CALML4: variants seen among roughly 807,000 people sequenced by gnomAD.
CALML4 encodes the protein calmodulin-like protein 4.
A neutral mutation model predicts 17.9 loss-of-function variants in CALML4; 16 were observed. That is an observed-to-expected ratio of 0.89 (90% CI 0.61 to 1.36). The LOEUF is 1.36. CALML4 is among the 40% of genes most tolerant of loss of function. CALML4 has a pLI of 0.00. For missense variants in CALML4, 203 were observed against 194.8 expected, an observed-to-expected ratio of 1.04 and a Z score of -0.25; for synonymous variants, 86 against 71.5, an observed-to-expected ratio of 1.20 and a Z score of -1.02.
chr15:68,194,131 A>G lies in CALML4; in HGVS notation c.365-19T>C, dbSNP rs747619421. On this transcript the variant is annotated intron_variant, in intron 4 of 4. Coordinates refer to ENST00000467889, the MANE Select transcript of CALML4 (RefSeq NM_033429.3). The stretch of plus-strand genomic sequence containing the variant: ...TCATCCACTGCAATAAATCACATTT[A>G]ATTTTTCAGTTTGGCTTTAGTGTTC... The G allele has an allele frequency of 6.3e-7, 1 of 1,597,842 alleles. No homozygotes were observed. The highest frequency in any genetic ancestry group is 8.6e-7 in the Non-Finnish European group (1 of 1,165,500).
At chr15:68,199,881 A>G in intron 2 of CALML4, 200 bp from the exon 3 acceptor site, 1 of 476,306 alleles carries the variant, frequency 2.1e-6, no homozygotes. Flanking sequence ...ATAAACACTG[A>G]ATATACTTTT....
rs767683298 is a variant in CALML4, at chr15:68,205,261, C to T, written c.-14G>A. 1.2e-6 allele frequency: 2 copies of T among 1,614,142 alleles called. No individual in the cohort carries two copies. Among genetic ancestry groups the T allele is most frequent in the African/African-American group, 1.3e-5 (1 of 75,034 alleles). On this transcript the variant is annotated 5_prime_UTR_variant, in exon 1 of 5. Coordinates refer to ENST00000467889, the MANE Select transcript of CALML4 (RefSeq NM_033429.3). This position sits in a 1 kb window ranked among gnomAD's most constrained non-coding sequence, Gnocchi z 4.8. Reference sequence around the variant, plus strand: ...CACACTCACCATTCTGGGGCCTCGGCTGCTACCCGTGGGCTTGCTGCTCCC... The same window carrying T: ...CACACTCACCATTCTGGGGCCTCGGTTGCTACCCGTGGGCTTGCTGCTCCC...
Position 68,197,465 on chromosome 15 carries a change from C to G in CALML4, c.339G>C (p.Leu113=), listed in dbSNP as rs781329754. The part of the protein sequence containing the change: ...ASDLRSKLTS[L]GEKLTHKEVD... ...CTTCCTTGTGGGTGAGCTTCTCCCC[C>G]AGACTCGTGAGTTTTGACCGCAGGT... The change falls in exon 4 of 5, where the codon CTG becomes CTC. Residue 113 remains leucine (L), a synonymous_variant. Transcript: ENST00000467889. This position sits in a 1 kb window ranked among gnomAD's most constrained non-coding sequence, Gnocchi z 4.1. The G allele has an allele frequency of 1.9e-6, 3 of 1,613,990 alleles. No homozygotes were observed. The highest frequency in any genetic ancestry group is 2.5e-6 in the Non-Finnish European group (3 of 1,180,010).
At chr15:68,199,733 T>TGCC in intron 2 of CALML4, 52 bp from the exon 3 acceptor site, 1 of 1,568,122 alleles carries the variant, frequency 6.4e-7, no homozygotes, top group Non-Finnish European at 8.7e-7. Context: ...TCTCCGCCCA[T>TGCC]GCCGCCCTCC....
intron 2 of CALML4, among the ~76,000 whole-genome samples, chr15:68,201,299 A>G (rs1162210083): frequency 6.6e-6 from 1 of 152,140 alleles, no homozygotes; most frequent in Non-Finnish European, 1.5e-5. Flanking sequence ...GCAGGGCCAG[A>G]GCCTGGCCTA....
chr15:68,195,185 C>T (rs1005660257), intron 4 of CALML4, among the ~76,000 whole-genome samples: 5 of 152,138 alleles, frequency 3.3e-5, no homozygotes, highest in African/African-American at 9.7e-5. Context: ...GGTCAACCTA[C>T]CATGGCTCTT....
rs2093140707 is a variant in CALML4, at chr15:68,195,566, A to G, written c.365-1454T>C. ...GGACACCTGAGTAGAACAGCCTTTC[A>G]CTCCATCTCACTTCAAAGACCCATA... is the stretch of plus-strand genomic sequence containing the variant. On this transcript the variant is annotated intron_variant, in intron 4 of 4. Transcript: ENST00000467889. Among the ~76,000 whole-genome samples the G allele has an allele frequency of 2.0e-5, 3 of 151,914 alleles. 1 individual carries two copies. In the South Asian group the frequency reaches 6.2e-4, roughly 32 times the overall value.
chr15:68,199,391 C>T (rs576177823), intron 3 of CALML4, 150 bp downstream of exon 3: 90 of 797,350 alleles, frequency 1.1e-4, no homozygotes, highest in African/African-American at 7.1e-4. Flanking sequence ...AAGTGAGGTA[C>T]GGCACTCCTG....
chr15:68,200,380 C>T lies in CALML4; in HGVS notation c.35-699G>A, dbSNP rs990420733. Among the ~76,000 whole-genome samples the T allele has an allele frequency of 5.3e-5, 8 of 152,324 alleles. No homozygotes were observed. Among genetic ancestry groups the T allele is most frequent in the African/African-American group, 1.9e-4 (8 of 41,578 alleles). ...CTGTTCTTAGAGACTTCAAAGGGTC[C>T]TGCTGGGAAATTCTCCCAGGGTCTG... On this transcript the variant is annotated intron_variant, in intron 2 of 4. Transcript: ENST00000467889. The surrounding 1 kb of genome is among the most constrained non-coding windows in gnomAD (Gnocchi z 4.3).
rs2093150167 is a variant in CALML4, at chr15:68,197,591, G to A, written c.213C>T (p.Thr71=). Residue 71 remains threonine (T), a synonymous_variant, in exon 4 of 5, where the codon ACC becomes ACT. Coordinates refer to ENST00000467889, the MANE Select transcript of CALML4 (RefSeq NM_033429.3). This position sits in a 1 kb window ranked among gnomAD's most constrained non-coding sequence, Gnocchi z 4.1. ...NGELDFSTFL[T]IMHMQIKQED... Reference sequence around the variant, plus strand: ...CTTGTTTTATTTGCATGTGCATAATGGTCAGAAAAGTGGAGAAATCCAGCT... The same window carrying A: ...CTTGTTTTATTTGCATGTGCATAATAGTCAGAAAAGTGGAGAAATCCAGCT... The A allele has an allele frequency of 6.2e-7, 1 of 1,613,936 alleles. No individual in the cohort carries two copies. Among genetic ancestry groups the A allele is most frequent in the African/African-American group, 1.3e-5 (1 of 74,874 alleles).
chr15:68,194,248 A>C (rs2093133084), intron 4 of CALML4, 136 bp from the exon 5 acceptor site: 6 of 634,590 alleles, frequency 9.5e-6, no homozygotes, highest in Non-Finnish European at 1.7e-5. Context: ...CAGGAAGTAA[A>C]CCAGTGAACA....
At chr15:68,202,806 G>GTTTTT (rs2093169500) in intron 2 of CALML4, among the ~76,000 whole-genome samples, 1 of 126,232 alleles carries the variant, frequency 7.9e-6, no homozygotes, top group African/African-American at 3.7e-5. Context: ...ACCATGACCG[G>GTTTTT]CTTTTTTTTT....
In CALML4 at chr15:68,190,960, C is replaced by T. The variant is rs2093116843; in HGVS notation, c.*3055G>A. 2 of 152,196 alleles carry T rather than the reference C, an allele frequency of 1.3e-5. No homozygotes were observed. The highest frequency in any genetic ancestry group is 2.1e-4 in the South Asian group (1 of 4,834). The allele number at this position is 152,196 out of a possible 1,614,324, so 9.4% of individuals were successfully genotyped here. On this transcript the variant is annotated 3_prime_UTR_variant, in exon 5 of 5. Coordinates refer to ENST00000467889, the MANE Select transcript of CALML4 (RefSeq NM_033429.3). The surrounding 1 kb of genome is among the most constrained non-coding windows in gnomAD (Gnocchi z 4.7). ...GAAATGGAGTGAAAATATATCCTAA[C>T]TAAATTAATGTGGAAAGAGCATTTT...
At chr15:68,199,067 C>G (rs1052978526) in intron 3 of CALML4, among the ~76,000 whole-genome samples, 17 of 151,578 alleles carry the variant, frequency 1.1e-4, no homozygotes, top group Non-Finnish European at 5.9e-5. Flanking sequence ...GAGGCTGAGG[C>G]AGGAGAATCA....
chr15:68,194,219 G>C lies in CALML4; in HGVS notation c.365-107C>G, dbSNP rs1000964826. ...CCCTAAGGTCTTCCCTGAGCGTGCA[G>C]TTGACTATTCCTGTAGACCAGGAAG... On this transcript the variant is annotated intron_variant, in intron 4 of 4. Coordinates refer to ENST00000467889, the MANE Select transcript of CALML4 (RefSeq NM_033429.3). 3 of 756,178 alleles carry C rather than the reference G, an allele frequency of 4.0e-6. No homozygotes were observed. In the African/African-American group the frequency reaches 5.2e-5, roughly 13 times the overall value. The allele number at this position is 756,178 out of a possible 1,614,324, so 46.8% of individuals were successfully genotyped here.
At chr15:68,196,502 C>T (rs1012590512) in intron 4 of CALML4, among the ~76,000 whole-genome samples, 5 of 152,230 alleles carry the variant, frequency 3.3e-5, no homozygotes, top group African/African-American at 9.6e-5. Flanking sequence ...CTTTCCAGCA[C>T]CCACTTGTGG....
At position 68,193,308 on chromosome 15, in the gene CALML4, C is replaced by T. The variant is rs925631227; in HGVS notation, c.*707G>A. On this transcript the variant is annotated 3_prime_UTR_variant, in exon 5 of 5. Coordinates refer to ENST00000467889, the MANE Select transcript of CALML4 (RefSeq NM_033429.3). ...TTGGTGTGGGGTGTAAAGTAGATCG[C>T]TCTTCCTGCTCTCAGCTGATGCTGC... The T allele has an allele frequency of 6.6e-6, 1 of 152,328 alleles. No homozygotes were observed. The highest frequency in any genetic ancestry group is 6.5e-5 in the Admixed American group (1 of 15,286). 9.4% of individuals were successfully genotyped at this position (152,328 alleles called of 1,614,324 possible). A position where few individuals can be genotyped will look rare whatever the true frequency, so the allele number is the denominator to read the frequency against.
intron 2 of CALML4, among the ~76,000 whole-genome samples, chr15:68,201,630 C>T: frequency 6.6e-6 from 1 of 152,184 alleles, no homozygotes; most frequent in Non-Finnish European, 1.5e-5. Context: ...TCACTACTCC[C>T]CGACAAGCCC....
Position 68,205,091 on chromosome 15 carries a change from G to A in CALML4, c.34+30C>T. On this transcript the variant is annotated intron_variant, in intron 2 of 4. Transcript: ENST00000467889. The surrounding 1 kb of genome is among the most constrained non-coding windows in gnomAD (Gnocchi z 4.8). ...CCTAATGAGACCCATATTTTGCTGA[G>A]TTGCTAATCAAAGAACAAACCCAAC... is the stretch of plus-strand genomic sequence containing the variant. 6.2e-7 allele frequency: 1 copy of A among 1,613,200 alleles called. No homozygotes were observed. Among genetic ancestry groups the A allele is most frequent in the African/African-American group, 1.3e-5 (1 of 74,970 alleles).
Sources: gnomAD v4.1 joint callset for allele counts (sites outside exome capture counted in the v4.1 genomes callset) on GRCh38, gnomAD v4.1.1 for gene constraint, Gnocchi (gnomAD v3.1) non-coding constraint, MANE v1.5 for transcripts, NCBI Gene and HGNC (gene_info 2026-07-23, HGNC 2026-07-21) for gene names.